Variants in CNTN5 observed in about 807,000 individuals in gnomAD.
CNTN5 encodes the protein contactin-5.
A neutral mutation model predicts 129.1 loss-of-function variants in CNTN5; 77 were observed. The ratio of observed to expected loss-of-function variants is 0.60; its 90% CI spans 0.50 to 0.72. The LOEUF is 0.72. Among genes scored for constraint, CNTN5 ranks in the 30% least tolerant of loss-of-function variants. The pLI is 0.00. For synonymous variants in CNTN5, 509 were observed against 465.6 expected (o/e 1.09, Z -1.20); for missense variants, 1,478 against 1,328.8 (o/e 1.11, Z -1.75).
intron 6 of CNTN5, among the ~76,000 whole-genome samples, chr11:99,886,355 T>C (rs112947920): frequency 5.9e-5 from 9 of 152,242 alleles, no homozygotes; most frequent in African/African-American, 2.2e-4. Context: ...TATGTGTAAG[T>C]ATGTATATAT....
At chr11:100,221,477 G>C (rs1949264727) in intron 15 of CNTN5, among the ~76,000 whole-genome samples, 1 of 152,170 alleles carries the variant, frequency 6.6e-6, no homozygotes, top group Non-Finnish European at 1.5e-5. Context: ...AGCTAAGAAA[G>C]AATTCGACTT....
At chr11:99,744,721 GAAAA>G (rs35204165) in intron 3 of CNTN5, among the ~76,000 whole-genome samples, 2 of 112,884 alleles carry the variant, frequency 1.8e-5, no homozygotes, top group African/African-American at 6.7e-5. Flanking sequence ...CCCTGTCTCA[GAAAA>G]AAAAAAAAAA....
intron 24 of CNTN5, among the ~76,000 whole-genome samples, chr11:100,353,363 T>C (rs1019797919): frequency 1.3e-5 from 2 of 151,588 alleles, no homozygotes; most frequent in Non-Finnish European, 3.0e-5. Context: ...AGCTAGTTAG[T>C]TTTATAGCTG....
intron 3 of CNTN5, among the ~76,000 whole-genome samples, chr11:99,737,144 AACAC>A (rs138644247): frequency 5.0e-4 from 72 of 143,256 alleles, no homozygotes; most frequent in South Asian, 1.5e-3. Flanking sequence ...CACACACACA[AACAC>A]ACACACACAC....
chr11:99,791,841 C>T (rs974101984), intron 3 of CNTN5, among the ~76,000 whole-genome samples: 3 of 151,978 alleles, frequency 2.0e-5, no homozygotes, highest in Non-Finnish European at 4.4e-5. Flanking sequence ...AGCTGTATTC[C>T]TAGGTATTTT....
chr11:100,320,175 A>G (rs149600307), intron 21 of CNTN5, among the ~76,000 whole-genome samples: 2 of 152,104 alleles, frequency 1.3e-5, no homozygotes, highest in South Asian at 4.1e-4. Context: ...ATTCCTATCA[A>G]TGGAGTGCAA....
intron 21 of CNTN5, among the ~76,000 whole-genome samples, chr11:100,328,617 C>T (rs758206900): frequency 1.4e-4 from 22 of 152,068 alleles, no homozygotes; most frequent in Non-Finnish European, 2.8e-4. Flanking sequence ...CTCCCGAGAA[C>T]TTATTCACTA....
At chr11:99,734,849 A>G (rs1468587983) in intron 3 of CNTN5, among the ~76,000 whole-genome samples, 1 of 152,178 alleles carries the variant, frequency 6.6e-6, no homozygotes, top group African/African-American at 2.4e-5. Flanking sequence ...TCTACTAAAA[A>G]TACAAAAAAT....
intron 3 of CNTN5, among the ~76,000 whole-genome samples, chr11:99,658,353 C>A (rs1292744667): frequency 6.6e-6 from 1 of 152,074 alleles, no homozygotes; most frequent in Admixed American, 6.6e-5. Context: ...AGAGTCAGAG[C>A]TAAAAGTCTG....
chr11:99,946,244 G>A (rs1950551269), intron 7 of CNTN5, among the ~76,000 whole-genome samples: 1 of 151,940 alleles, frequency 6.6e-6, no homozygotes, highest in Admixed American at 6.6e-5. Context: ...ACTCTCCTGG[G>A]TTCCAAGAAA....
chr11:99,336,837 GA>G (rs1009472992), intron 2 of CNTN5, among the ~76,000 whole-genome samples: 38 of 147,036 alleles, frequency 2.6e-4, no homozygotes, highest in African/African-American at 8.4e-4. Flanking sequence ...CAAAAAAAAA[GA>G]AAAAAAAAGA....
chr11:99,768,976 ATTCC>A (rs1252772512), intron 3 of CNTN5, among the ~76,000 whole-genome samples: 1 of 152,064 alleles, frequency 6.6e-6, no homozygotes, highest in African/African-American at 2.4e-5. Flanking sequence ...TAATTACATC[ATTCC>A]TTCTATGTTT....
intron 16 of CNTN5, among the ~76,000 whole-genome samples, chr11:100,225,973 ATGT>A (rs566352051): frequency 1.7e-3 from 261 of 152,126 alleles, no homozygotes; most frequent in Non-Finnish European, 3.4e-3. Flanking sequence ...TTCAAGTAAA[ATGT>A]TGTTTTTAAA....
intron 3 of CNTN5, among the ~76,000 whole-genome samples, chr11:99,664,314 C>G (rs1214463676): frequency 6.6e-6 from 1 of 152,134 alleles, no homozygotes; most frequent in Non-Finnish European, 1.5e-5. Flanking sequence ...GTAACAACCA[C>G]ACTCACTAAA....
At chr11:99,271,147 T>A (rs1440520341) in intron 1 of CNTN5, among the ~76,000 whole-genome samples, 3 of 151,956 alleles carry the variant, frequency 2.0e-5, no homozygotes, top group African/African-American at 7.2e-5. Context: ...CTTATGTTGA[T>A]ATAAAATTAA....
At chr11:99,993,149 G>A (rs1433597297) in intron 8 of CNTN5, among the ~76,000 whole-genome samples, 3 of 152,082 alleles carry the variant, frequency 2.0e-5, no homozygotes, top group African/African-American at 4.8e-5. Context: ...ACTAAAACTT[G>A]CAACTGAAAT....
chr11:99,766,062 T>C (rs1236099602), intron 3 of CNTN5, among the ~76,000 whole-genome samples: 1 of 152,068 alleles, frequency 6.6e-6, no homozygotes, highest in African/African-American at 2.4e-5. Context: ...AATCAAATGT[T>C]ATTGCAAATA....
intron 13 of CNTN5, among the ~76,000 whole-genome samples, chr11:100,105,260 A>T (rs7130548): frequency 0.018 from 2,754 of 152,230 alleles, 76 homozygotes; most frequent in African/African-American, 0.062. Context: ...TATTCCTATT[A>T]CATCTCTGTC....
At chr11:99,151,659 C>G (rs1239303233) in intron 1 of CNTN5, among the ~76,000 whole-genome samples, 3 of 152,054 alleles carry the variant, frequency 2.0e-5, no homozygotes, top group African/African-American at 7.2e-5. Context: ...AACCCAAATG[C>G]CCATCAATGT....
Sources: allele counts gnomAD v4.1 joint callset (sites outside exome capture counted in the v4.1 genomes callset), GRCh38; gene constraint gnomAD v4.1.1; transcripts MANE v1.5; gene names NCBI Gene and HGNC (gene_info 2026-07-23, HGNC 2026-07-21).